Variants in IMMP1L observed in about 807,000 individuals in gnomAD.
IMMP1L encodes the protein mitochondrial inner membrane protease subunit 1.
IMMP1L carries 24 observed loss-of-function variants against 21.8 expected under a neutral mutation model. The ratio of observed to expected loss-of-function variants is 1.10; its 90% CI spans 0.80 to 1.55. IMMP1L has a LOEUF of 1.55. Among genes scored for constraint, IMMP1L ranks in the 40% most tolerant of loss-of-function variants. The probability of loss-of-function intolerance (pLI) is 0.00; values close to 1 mark genes in which losing one functional copy is unlikely to be tolerated. For synonymous variants in IMMP1L, 46 were observed against 62.8 expected (o/e 0.73, Z 1.26); for missense variants, 195 against 200.7 (o/e 0.97, Z 0.17).
chr11:31,467,422 A>G (rs761650893), intron 1 of IMMP1L, among the ~76,000 whole-genome samples: 1 of 152,162 alleles, frequency 6.6e-6, no homozygotes, highest in Non-Finnish European at 1.5e-5. Context: ...GTGCTCAAAG[A>G]CTGGTGCAAA....
intron 1 of IMMP1L, among the ~76,000 whole-genome samples, chr11:31,487,283 T>C (rs1236986531): frequency 6.6e-6 from 1 of 152,102 alleles, no homozygotes; most frequent in Non-Finnish European, 1.5e-5. Context: ...TTAAATAATA[T>C]AAGATCAGTT....
chr11:31,450,302 C>A (rs988957154), intron 4 of IMMP1L, among the ~76,000 whole-genome samples: 2 of 152,120 alleles, frequency 1.3e-5, no homozygotes, highest in South Asian at 4.1e-4. Flanking sequence ...TAGCCTTCAT[C>A]GTAATAAAAC....
chr11:31,493,095 T>C (rs886191256), intron 1 of IMMP1L, among the ~76,000 whole-genome samples: 12 of 152,200 alleles, frequency 7.9e-5, no homozygotes, highest in Non-Finnish European at 1.5e-4. Flanking sequence ...AGATGATGCA[T>C]GCCTGTAGTT....
intron 1 of IMMP1L, among the ~76,000 whole-genome samples, chr11:31,487,289 C>G (rs1412319300): frequency 6.6e-6 from 1 of 151,982 alleles, no homozygotes; most frequent in Non-Finnish European, 1.5e-5. Context: ...AATATAAGAT[C>G]AGTTATCCTG....
At chr11:31,499,986 T>C (rs1955567353) in intron 1 of IMMP1L, among the ~76,000 whole-genome samples, 1 of 131,370 alleles carries the variant, frequency 7.6e-6, no homozygotes, top group African/African-American at 2.8e-5. Context: ...AAATAAAGTG[T>C]AATCTGCCTG....
At chr11:31,492,133 T>C (rs1470485455) in intron 1 of IMMP1L, among the ~76,000 whole-genome samples, 1 of 152,224 alleles carries the variant, frequency 6.6e-6, no homozygotes, top group African/African-American at 2.4e-5. Flanking sequence ...CTAGATAGCA[T>C]CTTCTTCCAA....
intron 1 of IMMP1L, among the ~76,000 whole-genome samples, chr11:31,471,169 ACT>A (rs767110904): frequency 6.6e-6 from 1 of 152,196 alleles, no homozygotes; most frequent in Admixed American, 6.5e-5. Context: ...TATGTTAATT[ACT>A]CTGATTTGAT....
chr11:31,509,151 A>T (rs1435409317), intron 1 of IMMP1L, among the ~76,000 whole-genome samples: 6 of 152,232 alleles, frequency 3.9e-5, no homozygotes, highest in African/African-American at 1.4e-4. Flanking sequence ...TTTGTCAGAC[A>T]CAGGAAAACC....
At chr11:31,484,793 T>C (rs1266608080) in intron 1 of IMMP1L, among the ~76,000 whole-genome samples, 3 of 151,926 alleles carry the variant, frequency 2.0e-5, no homozygotes, top group African/African-American at 7.2e-5. Flanking sequence ...AAATACTTTG[T>C]TTATAAGGCA....
intron 5 of IMMP1L, 31 bp downstream of exon 5, chr11:31,433,429 T>C (rs1373233528): frequency 7.7e-7 from 1 of 1,294,024 alleles, no homozygotes; most frequent in Non-Finnish European, 1.1e-6. Flanking sequence ...GCTCAGAAAA[T>C]AAACCTTACA....
intron 4 of IMMP1L, among the ~76,000 whole-genome samples, chr11:31,450,286 G>T (rs1361844491): frequency 6.6e-6 from 1 of 152,120 alleles, no homozygotes; most frequent in East Asian, 1.9e-4. Flanking sequence ...TGTTGCAAGG[G>T]CAACTTAGCC....
intron 1 of IMMP1L, among the ~76,000 whole-genome samples, chr11:31,506,509 C>A (rs997806214): frequency 6.6e-6 from 1 of 151,966 alleles, no homozygotes; most frequent in African/African-American, 2.4e-5. Context: ...GAATTACACG[C>A]ATGAGTCACT....
chr11:31,499,785 C>T (rs1321978713), intron 1 of IMMP1L, among the ~76,000 whole-genome samples: 1 of 151,956 alleles, frequency 6.6e-6, no homozygotes, highest in Non-Finnish European at 1.5e-5. Flanking sequence ...ATATTACCCG[C>T]AAAACCTAAA....
At chr11:31,439,682 G>T (rs1046290854) in intron 4 of IMMP1L, among the ~76,000 whole-genome samples, 1 of 152,162 alleles carries the variant, frequency 6.6e-6, no homozygotes, top group African/African-American at 2.4e-5. Flanking sequence ...AGGGAGTCTG[G>T]TTTCTGTGAG....
chr11:31,440,075 T>C (rs1266909149), intron 4 of IMMP1L, among the ~76,000 whole-genome samples: 1 of 152,206 alleles, frequency 6.6e-6, no homozygotes, highest in Non-Finnish European at 1.5e-5. Flanking sequence ...GTCGGATTTA[T>C]AAATCCCAAC....
chr11:31,432,419 T>C lies in IMMP1L; in HGVS notation c.*81A>G, dbSNP rs1952936258. 1.1e-6 allele frequency: 1 copy of C among 922,564 alleles called. No individual in the cohort carries two copies. Among genetic ancestry groups the C allele is most frequent in the Non-Finnish European group, 1.7e-6 (1 of 572,136 alleles). 57.1% of individuals were successfully genotyped at this position (922,564 alleles called of 1,614,324 possible). On this transcript the variant is annotated 3_prime_UTR_variant, in exon 6 of 6. Coordinates refer to ENST00000532287, the MANE Select transcript of IMMP1L (RefSeq NM_001304274.2). ...CTAAAACTGAATAGCAAATAGTTTA[T>C]TGGTAAGTACACGGTTTCAACGGGA...
intron 1 of IMMP1L, among the ~76,000 whole-genome samples, chr11:31,465,497 AT>A (rs1184905247): frequency 1.3e-5 from 2 of 152,096 alleles, no homozygotes; most frequent in Admixed American, 1.3e-4. Context: ...CCAAAGCAAT[AT>A]TGAGCAAAAT....
chr11:31,495,250 G>T (rs1036840056), intron 1 of IMMP1L, among the ~76,000 whole-genome samples: 1 of 152,074 alleles, frequency 6.6e-6, no homozygotes, highest in Non-Finnish European at 1.5e-5. Flanking sequence ...CCACATCTTC[G>T]TGTCTTCTGA....
intron 4 of IMMP1L, chr11:31,437,128 C>T: frequency 4.5e-6 from 2 of 446,472 alleles, no homozygotes; most frequent in Non-Finnish European, 9.0e-6. Context: ...CTATAAGTTG[C>T]AGGTTGAGTA....
Sources: allele counts gnomAD v4.1 joint callset (sites outside exome capture counted in the v4.1 genomes callset), GRCh38; gene constraint gnomAD v4.1.1; transcripts MANE v1.5; gene names NCBI Gene and HGNC (gene_info 2026-07-23, HGNC 2026-07-21).